The following ALKBH7 variants were observed in gnomAD, a reference collection of about 807,000 sequenced individuals.
ALKBH7 encodes RNA demethylase ALKBH7, mitochondrial.
In ALKBH7, 21 loss-of-function variants were observed where a neutral mutation model predicts 19.3. The ratio of observed to expected loss-of-function variants is 1.09; its 90% CI spans 0.77 to 1.56. ALKBH7 has a LOEUF of 1.56. ALKBH7 is among the 40% of genes most tolerant of loss of function. The pLI, the probability that ALKBH7 is intolerant of heterozygous loss-of-function variation, is 0.00. For missense variants in ALKBH7, 354 were observed against 311.4 expected, an observed-to-expected ratio of 1.14 and a Z score of -1.03; for synonymous variants, 147 against 139.5, an observed-to-expected ratio of 1.05 and a Z score of -0.38.
Position 6,374,355 on chromosome 19 carries a change from G to A in ALKBH7, c.357G>A (p.Lys119=). ...ACCTGGAAGCCCGCGGCTACATCAA[G>A]CCCCACGTGGACAGCATCAAGGTGG... ...VLDLEARGYI[K]PHVDSIKFCG... is the part of the protein sequence containing the mutation. Residue 119 remains lysine (K), a synonymous_variant, in exon 2 of 4, where the codon AAG becomes AAA. Coordinates refer to ENST00000245812, the MANE Select transcript of ALKBH7 (RefSeq NM_032306.4). 1 of 1,610,092 alleles carries A rather than the reference G, an allele frequency of 6.2e-7. No homozygotes were observed. The highest frequency in any genetic ancestry group is 8.5e-7 in the Non-Finnish European group (1 of 1,178,666).
At chr19:6,373,616 C>A in intron 1 of ALKBH7, 1 of 1,194,398 alleles carries the variant, frequency 8.4e-7, no homozygotes, top group Non-Finnish European at 1.0e-6. Context: ...TGGAGTCAAG[C>A]GCCGGGATGG....
chr19:6,373,659 T>C (rs1378557153), intron 1 of ALKBH7: 3 of 1,221,346 alleles, frequency 2.5e-6, no homozygotes, highest in Non-Finnish European at 3.0e-6. Flanking sequence ...GACGGGGAAG[T>C]CGAGGTTTAG....
In ALKBH7 at chr19:6,373,017, G is replaced by A. The variant is rs1237151522; in HGVS notation, c.197G>A (p.Trp66Ter). The A allele has an allele frequency of 1.9e-6, 3 of 1,567,548 alleles. No individual in the cohort carries two copies. In the African/African-American group the frequency reaches 4.1e-5, roughly 21 times the overall value. The change falls in exon 1 of 4, where the codon TGG becomes TAG. Residue 66 changes from tryptophan to a stop codon, truncating the protein, a stop_gained. Transcript: ENST00000245812. LOFTEE classifies it high-confidence loss of function. ...LRRRRYEYDH[W>*]DAAIHGFRET... ...CGCCGCCGCTACGAATACGATCACT[G>A]GGACGCGGTGAGACCGGCAGCGCCG... is the stretch of plus-strand genomic sequence containing the variant.
chr19:6,373,013 C>T lies in ALKBH7; in HGVS notation c.193C>T (p.His65Tyr). The T allele has an allele frequency of 6.4e-7, 1 of 1,570,264 alleles. No individual in the cohort carries two copies. Among genetic ancestry groups the T allele is most frequent in the Non-Finnish European group, 8.6e-7 (1 of 1,160,398 alleles). ...GCGCCGCCGCCGCTACGAATACGAT[C>T]ACTGGGACGCGGTGAGACCGGCAGC... ...ELRRRRYEYD[H>Y]WDAAIHGFRE... is the part of the protein sequence containing the mutation. The change falls in exon 1 of 4, where the codon CAC becomes TAC. Residue 65 changes from histidine to tyrosine, a missense_variant. Physicochemically the swap from His to Tyr is moderately conservative, Grantham distance 83 (BLOSUM62 2). Transcript: ENST00000245812.
chr19:6,373,806 G>A lies in ALKBH7; in HGVS notation c.205-397G>A, dbSNP rs1230915300. On this transcript the variant is annotated intron_variant, in intron 1 of 3. Transcript: ENST00000245812. The stretch of plus-strand genomic sequence containing the variant: ...GGGGCTGGGCTGAAACTCTGGCTGT[G>A]GGAGGGGCGGGACCTGGGGGATGAG... The A allele has an allele frequency of 1.6e-5, 21 of 1,290,438 alleles. No individual in the cohort carries two copies. The South Asian group carries it at 5.6e-4, about 34-fold the overall frequency. The allele number at this position is 1,290,438 out of a possible 1,614,324, so 79.9% of individuals were successfully genotyped here.
Sources: gnomAD v4.1 joint callset for allele counts on GRCh38, gnomAD v4.1.1 for gene constraint, MANE v1.5 for transcripts, NCBI Gene and HGNC (gene_info 2026-07-23, HGNC 2026-07-21) for gene names.